LRRTM4: variants seen among roughly 807,000 people sequenced by gnomAD.
The protein encoded by LRRTM4 is leucine rich repeat transmembrane neuronal 4, also known as leucine-rich repeat transmembrane neuronal protein 4.
Under a neutral mutation model 47.6 loss-of-function variants are expected in LRRTM4, and 25 were observed. The observed-to-expected ratio is 0.53, with a 90% CI of 0.38 to 0.73. LRRTM4 has a LOEUF of 0.73. LRRTM4 is among the 30% of genes least tolerant of loss of function. The pLI, the probability that LRRTM4 is intolerant of heterozygous loss-of-function variation, is 0.00. For missense variants in LRRTM4, 638 were observed against 713.4 expected (o/e 0.89, Z 1.20); for synonymous variants, 311 against 269.5 (o/e 1.15, Z -1.51).
intron 3 of LRRTM4, among the ~76,000 whole-genome samples, chr2:77,158,248 A>C (rs2103801107): frequency 6.6e-6 from 1 of 152,172 alleles, no homozygotes; most frequent in East Asian, 1.9e-4. Flanking sequence ...CTTTTGTCTT[A>C]TTTTACAATA....
intron 3 of LRRTM4, among the ~76,000 whole-genome samples, chr2:76,984,649 A>C (rs1414449910): frequency 6.6e-6 from 1 of 152,022 alleles, no homozygotes; most frequent in Non-Finnish European, 1.5e-5. Context: ...GGACTGACAC[A>C]TTAAGATTGG....
intron 3 of LRRTM4, among the ~76,000 whole-genome samples, chr2:76,960,970 AT>A (rs1675838791): frequency 6.6e-6 from 1 of 151,556 alleles, no homozygotes; most frequent in Non-Finnish European, 1.5e-5. Flanking sequence ...CTACAAGATA[AT>A]TTATTTTTTC....
At chr2:77,236,630 G>T (rs1675110270) in intron 3 of LRRTM4, among the ~76,000 whole-genome samples, 1 of 151,942 alleles carries the variant, frequency 6.6e-6, no homozygotes, top group African/African-American at 2.4e-5. Flanking sequence ...TCCATGTTTT[G>T]ATCATTCAGT....
chr2:76,982,653 A>C (rs1410347657), intron 3 of LRRTM4, among the ~76,000 whole-genome samples: 1 of 152,026 alleles, frequency 6.6e-6, no homozygotes, highest in Non-Finnish European at 1.5e-5. Context: ...AATTCAGGGA[A>C]ATGGAGAGAC....
intron 3 of LRRTM4, among the ~76,000 whole-genome samples, chr2:76,977,539 C>A (rs147287344): frequency 1.1e-3 from 164 of 152,026 alleles, no homozygotes; most frequent in African/African-American, 3.6e-3. Flanking sequence ...ACACTTGAAC[C>A]AGAAGCCTGT....
intron 3 of LRRTM4, among the ~76,000 whole-genome samples, chr2:77,061,886 C>T (rs1006992008): frequency 1.1e-4 from 16 of 152,170 alleles, no homozygotes; most frequent in African/African-American, 3.9e-4. Context: ...AGTTGACTTT[C>T]AAAGTCATCT....
chr2:77,004,619 C>G (rs1677565968), intron 3 of LRRTM4, among the ~76,000 whole-genome samples: 1 of 152,150 alleles, frequency 6.6e-6, no homozygotes, highest in Non-Finnish European at 1.5e-5. Context: ...ACACAGAGTC[C>G]CCAATGGGGC....
intron 3 of LRRTM4, among the ~76,000 whole-genome samples, chr2:76,921,745 T>G (rs1360275755): frequency 6.6e-6 from 1 of 152,104 alleles, no homozygotes; most frequent in African/African-American, 2.4e-5. Flanking sequence ...CCCCATTGTT[T>G]TGATTTTTGT....
chr2:77,046,376 T>C (rs1679236581), intron 3 of LRRTM4, among the ~76,000 whole-genome samples: 1 of 152,004 alleles, frequency 6.6e-6, no homozygotes, highest in African/African-American at 2.4e-5. Flanking sequence ...ATAGGCAGAT[T>C]TTTTTTCTAG....
At chr2:77,425,188 A>C (rs1353727876) in intron 3 of LRRTM4, among the ~76,000 whole-genome samples, 1 of 152,194 alleles carries the variant, frequency 6.6e-6, no homozygotes, top group East Asian at 1.9e-4. Flanking sequence ...CAACATCTGA[A>C]AATTAAGGAC....
At chr2:76,922,325 A>T (rs961209184) in intron 3 of LRRTM4, among the ~76,000 whole-genome samples, 2 of 152,094 alleles carry the variant, frequency 1.3e-5, no homozygotes, top group African/African-American at 2.4e-5. Flanking sequence ...TCATGGCAGA[A>T]GCAAAAAGGG....
At chr2:77,336,877 C>T (rs757304983) in intron 3 of LRRTM4, among the ~76,000 whole-genome samples, 43 of 152,118 alleles carry the variant, frequency 2.8e-4, no homozygotes, top group Admixed American at 9.2e-4. Context: ...AGAAATCAGA[C>T]GGGACAATGA....
chr2:76,813,829 C>A (rs531779701), intron 3 of LRRTM4, among the ~76,000 whole-genome samples: 1 of 152,260 alleles, frequency 6.6e-6, no homozygotes, highest in South Asian at 2.1e-4. Flanking sequence ...ATTGCACACC[C>A]AATTTCACGT....
At chr2:77,106,154 CTTAAT>C (rs1449084933) in intron 3 of LRRTM4, among the ~76,000 whole-genome samples, 2 of 152,156 alleles carry the variant, frequency 1.3e-5, no homozygotes, top group Admixed American at 6.5e-5. Flanking sequence ...TCCCTGACCT[CTTAAT>C]TTAAACAAAT....
chr2:76,857,709 C>A (rs868664706), intron 3 of LRRTM4, among the ~76,000 whole-genome samples: 1 of 152,076 alleles, frequency 6.6e-6, no homozygotes, highest in Non-Finnish European at 1.5e-5. Context: ...AATTTTGTGT[C>A]AGCAGTTGTG....
intron 3 of LRRTM4, among the ~76,000 whole-genome samples, chr2:77,256,374 A>G (rs148497948): frequency 6.6e-6 from 1 of 152,230 alleles, no homozygotes; most frequent in African/African-American, 2.4e-5. Context: ...AAGCTCATCT[A>G]AAAAAACAGA....
intron 3 of LRRTM4, among the ~76,000 whole-genome samples, chr2:76,906,927 A>T (rs1673861355): frequency 6.6e-6 from 1 of 151,976 alleles, no homozygotes; most frequent in African/African-American, 2.4e-5. Flanking sequence ...TGTCAACATT[A>T]GACAGATCAA....
At chr2:77,346,128 A>T (rs1573288684) in intron 3 of LRRTM4, among the ~76,000 whole-genome samples, 1 of 152,072 alleles carries the variant, frequency 6.6e-6, no homozygotes, top group African/African-American at 2.4e-5. Context: ...ATAATGTATG[A>T]TTCCGTTATA....
rs72821267 is a variant in LRRTM4, at chr2:76,911,989, G to A, written c.1552-163073C>T. Among the ~76,000 whole-genome samples, 3 of 149,310 alleles carry A rather than the reference G, an allele frequency of 2.0e-5. No homozygotes were observed. In the South Asian group the frequency reaches 6.4e-4, roughly 32 times the overall value. ...CTGTCGCCCAGGCTGGAGTGCAGTG[G>A]CCGATCTCCACTCACTGCAAGCTCC... is the stretch of plus-strand genomic sequence containing the variant. On this transcript the variant is annotated intron_variant, in intron 3 of 3. Transcript: ENST00000409884.
Sources: gnomAD v4.1 joint callset for allele counts (sites outside exome capture counted in the v4.1 genomes callset) on GRCh38, gnomAD v4.1.1 for gene constraint, MANE v1.5 for transcripts, NCBI Gene and HGNC (gene_info 2026-07-23, HGNC 2026-07-21) for gene names.